Variants in GALNT17 observed in about 807,000 individuals in gnomAD.
The protein encoded by GALNT17 is polypeptide N-acetylgalactosaminyltransferase 17.
In GALNT17, 29 loss-of-function variants were observed where a neutral mutation model predicts 63.7. The observed-to-expected ratio is 0.46, with a 90% CI of 0.34 to 0.62. The LOEUF is 0.62. Among genes scored for constraint, GALNT17 ranks in the 20% least tolerant of loss-of-function variants. The probability of loss-of-function intolerance (pLI) is 0.01; values close to 1 mark genes in which losing one functional copy is unlikely to be tolerated. For missense variants in GALNT17, 603 were observed against 799.6 expected (o/e 0.75, Z 2.97); for synonymous variants, 305 against 318.3 (o/e 0.96, Z 0.45).
At chr7:71,317,265 C>T (rs1791517244) in intron 1 of GALNT17, among the ~76,000 whole-genome samples, 1 of 152,194 alleles carries the variant, frequency 6.6e-6, no homozygotes, top group African/African-American at 2.4e-5. Context: ...ATTGAGGAAT[C>T]TGCCTGGTCA....
chr7:71,579,545 C>T (rs764763075), intron 6 of GALNT17, among the ~76,000 whole-genome samples: 10 of 152,080 alleles, frequency 6.6e-5, no homozygotes, highest in Non-Finnish European at 1.2e-4. Flanking sequence ...AACCTTCTTA[C>T]GGAAATGCTG....
At chr7:71,415,786 TGAGA>T in intron 3 of GALNT17, 99 bp from the exon 4 acceptor site, 2 of 1,298,092 alleles carry the variant, frequency 1.5e-6, no homozygotes, top group African/African-American at 1.5e-5. Flanking sequence ...CGATTTTTTT[TGAGA>T]TCTTTGAACT....
At chr7:71,231,728 G>C (rs1404456234) in intron 1 of GALNT17, among the ~76,000 whole-genome samples, 1 of 149,666 alleles carries the variant, frequency 6.7e-6, no homozygotes, top group Non-Finnish European at 1.5e-5. Context: ...GTGGGGGAGG[G>C]AGAGAGAGAG....
chr7:71,502,348 T>C (rs1788194368), intron 5 of GALNT17, among the ~76,000 whole-genome samples: 1 of 152,184 alleles, frequency 6.6e-6, no homozygotes, highest in African/African-American at 2.4e-5. Context: ...TCATCGGAAT[T>C]GGGAGAATCT....
chr7:71,217,145 G>GTTTTTTTTTTTTTTTTTTTTT (rs1197080765), intron 1 of GALNT17, among the ~76,000 whole-genome samples: 1 of 122,758 alleles, frequency 8.1e-6, no homozygotes. Context: ...TTCGTGTTTT[G>GTTTTTTTTTTTTTTTTTTTTT]TTTTTTTTTT....
chr7:71,545,588 G>C (rs987424668), intron 5 of GALNT17, among the ~76,000 whole-genome samples: 1 of 152,144 alleles, frequency 6.6e-6, no homozygotes, highest in Non-Finnish European at 1.5e-5. Context: ...CTGGCTTCTA[G>C]CGATCCACCT....
chr7:71,159,135 C>A (rs1247607092), intron 1 of GALNT17, among the ~76,000 whole-genome samples: 1 of 151,780 alleles, frequency 6.6e-6, no homozygotes, highest in Non-Finnish European at 1.5e-5. Flanking sequence ...ACAGAAGTTT[C>A]TTCTGTCCCT....
At chr7:71,278,882 C>T (rs191016231) in intron 1 of GALNT17, among the ~76,000 whole-genome samples, 1 of 151,888 alleles carries the variant, frequency 6.6e-6, no homozygotes, top group African/African-American at 2.4e-5. Context: ...CCGTATCAAC[C>T]TTCTTCCCTC....
intron 5 of GALNT17, among the ~76,000 whole-genome samples, chr7:71,564,312 T>C (rs1328249992): frequency 1.5e-5 from 2 of 133,692 alleles, no homozygotes; most frequent in East Asian, 4.6e-4. Flanking sequence ...TGAGATGGAG[T>C]CTCACTCTGT....
At chr7:71,312,123 G>A (rs1441973359) in intron 1 of GALNT17, among the ~76,000 whole-genome samples, 3 of 152,214 alleles carry the variant, frequency 2.0e-5, no homozygotes, top group Admixed American at 1.3e-4. Context: ...AATTTGCATG[G>A]TATTAAAAAG....
At chr7:71,692,551 T>C (rs1232826925) in intron 9 of GALNT17, among the ~76,000 whole-genome samples, 2 of 152,096 alleles carry the variant, frequency 1.3e-5, no homozygotes, top group East Asian at 3.9e-4. Flanking sequence ...CCCTGACTGC[T>C]TGATTCACAG....
intron 1 of GALNT17, among the ~76,000 whole-genome samples, chr7:71,258,555 T>C (rs1032971137): frequency 6.6e-6 from 1 of 152,182 alleles, no homozygotes; most frequent in Non-Finnish European, 1.5e-5. Flanking sequence ...AGTCTGCTGA[T>C]AGACACATGT....
intron 9 of GALNT17, among the ~76,000 whole-genome samples, chr7:71,708,198 A>T (rs894181562): frequency 2.0e-5 from 3 of 152,172 alleles, no homozygotes; most frequent in African/African-American, 7.2e-5. Context: ...TATGCTGTTA[A>T]TAAAAACATA....
chr7:71,265,116 A>T (rs866161797), intron 1 of GALNT17, among the ~76,000 whole-genome samples: 26 of 59,024 alleles, frequency 4.4e-4, no homozygotes, highest in South Asian at 2.8e-3. Context: ...ATATATATAT[A>T]TATTTTTTTT....
At chr7:71,270,551 A>C (rs1562961105) in intron 1 of GALNT17, among the ~76,000 whole-genome samples, 1 of 150,988 alleles carries the variant, frequency 6.6e-6, no homozygotes. Context: ...AAAAAAAAAA[A>C]AAAAAAAAAA....
chr7:71,375,934 C>G (rs572877956), intron 2 of GALNT17, among the ~76,000 whole-genome samples: 1 of 151,988 alleles, frequency 6.6e-6, no homozygotes, highest in South Asian at 2.1e-4. Flanking sequence ...AAAAATTAGC[C>G]GGTGCGGTGG....
At chr7:71,416,105 T>C (rs190810935) in intron 4 of GALNT17, 42 bp downstream of exon 4, 8 of 1,567,372 alleles carry the variant, frequency 5.1e-6, no homozygotes, top group African/African-American at 1.4e-5. Context: ...AAGACCTGCA[T>C]TGTGGTTGAG....
At chr7:71,141,231 G>A (rs1370148276) in intron 1 of GALNT17, among the ~76,000 whole-genome samples, 1 of 152,060 alleles carries the variant, frequency 6.6e-6, no homozygotes, top group African/African-American at 2.4e-5. Context: ...GCCAGGCATG[G>A]TGGCAAGCGC....
At chr7:71,412,917 C>T (rs1352576535) in intron 3 of GALNT17, among the ~76,000 whole-genome samples, 2 of 152,130 alleles carry the variant, frequency 1.3e-5, no homozygotes, top group Admixed American at 1.3e-4. Flanking sequence ...GTGGCAGGCA[C>T]CTGTAGTCCC....
Sources: allele counts gnomAD v4.1 joint callset (sites outside exome capture counted in the v4.1 genomes callset), GRCh38; gene constraint gnomAD v4.1.1; transcripts MANE v1.5; gene names NCBI Gene and HGNC (gene_info 2026-07-23, HGNC 2026-07-21).